GLRX5: variants seen among roughly 807,000 people sequenced by gnomAD.
GLRX5 encodes the protein glutaredoxin-related protein 5, mitochondrial.
A neutral mutation model predicts 13.8 loss-of-function variants in GLRX5; 10 were observed. The ratio of observed to expected loss-of-function variants is 0.72; its 90% CI spans 0.45 to 1.23. The LOEUF is 1.23. GLRX5 is among the 50% of genes most tolerant of loss of function. The probability of loss-of-function intolerance (pLI) is 0.00; values close to 1 mark genes in which losing one functional copy is unlikely to be tolerated. For missense variants in GLRX5, 233 were observed against 215.2 expected (o/e 1.08, Z -0.52); for synonymous variants, 98 against 101.1 (o/e 0.97, Z 0.18).
chr14:95,535,458 C>T (rs1186906630), intron 1 of GLRX5, 74 bp downstream of exon 1: 10 of 1,403,646 alleles, frequency 7.1e-6, no homozygotes, highest in African/African-American at 1.4e-5. Flanking sequence ...CGAGGGGTTC[C>T]GCCGCGCCGG....
In GLRX5 at chr14:95,535,263, C is replaced by T; in HGVS notation, c.174C>T (p.Leu58=). Residue 58 remains leucine, a synonymous_variant, in exon 1 of 2, where the codon CTC becomes CTT. Transcript: ENST00000331334. ...AGAAGGACAAGGTGGTGGTCTTCCTCAAGGGGACGCCGGAGCAGCCCCAGT... is the reference window on the plus strand; with the variant it reads ...AGAAGGACAAGGTGGTGGTCTTCCTTAAGGGGACGCCGGAGCAGCCCCAGT... ...LVKKDKVVVF[L]KGTPEQPQCG... 6.4e-7 allele frequency: 1 copy of T among 1,571,674 alleles called. No homozygotes were observed.
intron 1 of GLRX5, among the ~76,000 whole-genome samples, chr14:95,540,686 A>G (rs945426763): frequency 4.6e-5 from 7 of 152,238 alleles, no homozygotes; most frequent in Non-Finnish European, 7.3e-5. Flanking sequence ...GCCCAAGATC[A>G]CAGAGTCTAG....
chr14:95,535,445 G>C (rs1184443811), intron 1 of GLRX5, 61 bp downstream of exon 1: 2 of 1,465,774 alleles, frequency 1.4e-6, no homozygotes, highest in Non-Finnish European at 1.8e-6. Context: ...CGCTGCACGA[G>C]GCCGAGGGGT....
intron 1 of GLRX5, among the ~76,000 whole-genome samples, chr14:95,539,893 A>G (rs1387987322): frequency 2.1e-5 from 1 of 47,672 alleles, no homozygotes; most frequent in East Asian, 3.8e-4. Flanking sequence ...GTATATATAT[A>G]TATATTTTTT....
In GLRX5 at chr14:95,543,996, T is replaced by G. The variant is rs1212378595; in HGVS notation, c.345T>G (p.Asn115Lys). 1 of 1,614,166 alleles carries G rather than the reference T, an allele frequency of 6.2e-7. No individual in the cohort carries two copies. The highest frequency in any genetic ancestry group is 2.2e-5 in the East Asian group (1 of 44,890). Residue 115 changes from asparagine (N) to lysine (K), a missense_variant, in exon 2 of 2, where the codon AAT becomes AAG. Asn to Lys is a moderately conservative substitution (Grantham distance 94). Coordinates refer to ENST00000331334, the MANE Select transcript of GLRX5 (RefSeq NM_016417.3). ...NWPTIPQVYL[N>K]GEFVGGCDIL... ...CCACCATCCCGCAAGTGTACCTCAA[T>G]GGCGAGTTTGTAGGGGGCTGTGACA...
chr14:95,539,897 ATTTTT>A (rs35206535), intron 1 of GLRX5, among the ~76,000 whole-genome samples: 2 of 146,050 alleles, frequency 1.4e-5, no homozygotes. Context: ...ATATATATAT[ATTTTT>A]TTTTTTTTGA....
chr14:95,544,185 G>C lies in GLRX5; in HGVS notation c.*60G>C. ...CGTTCATGTCAGAGACTCACTGCCA[G>C]AAAAGCCTTACCCATTTTGGTTTTC... On this transcript the variant is annotated 3_prime_UTR_variant, in exon 2 of 2. Coordinates refer to ENST00000331334, the MANE Select transcript of GLRX5 (RefSeq NM_016417.3). 2.0e-6 allele frequency: 3 copies of C among 1,472,326 alleles called. No individual in the cohort carries two copies. The highest frequency in any genetic ancestry group is 2.8e-6 in the Non-Finnish European group (3 of 1,062,262). 91.2% of individuals were successfully genotyped at this position (1,472,326 alleles called of 1,614,324 possible).
intron 1 of GLRX5, among the ~76,000 whole-genome samples, chr14:95,541,631 A>C (rs1222110824): frequency 6.6e-6 from 1 of 152,130 alleles, no homozygotes; most frequent in Non-Finnish European, 1.5e-5. Context: ...TTGTTTTGAT[A>C]ATTTTGGTGG....
At chr14:95,540,544 T>A (rs1328203553) in intron 1 of GLRX5, among the ~76,000 whole-genome samples, 1 of 152,234 alleles carries the variant, frequency 6.6e-6, no homozygotes, top group Non-Finnish European at 1.5e-5. Context: ...CTCTGCCCCG[T>A]GCCTTGCTTT....
Position 95,544,104 on chromosome 14 carries a change from G to A in GLRX5, c.453G>A (p.Lys151=). The A allele has an allele frequency of 1.2e-6, 2 of 1,614,068 alleles. No individual in the cohort carries two copies. The highest frequency in any genetic ancestry group is 1.3e-5 in the African/African-American group (1 of 75,042). Residue 151 remains lysine (K), a synonymous_variant, in exon 2 of 2, where the codon AAG becomes AAA. Coordinates refer to ENST00000331334, the MANE Select transcript of GLRX5 (RefSeq NM_016417.3). Reference sequence around the variant, plus strand: ...TCCACTCCGCCCTTTTAGATGAAAAGAAAGACCAAGACTCCAAGTGAGGGC... The same window carrying A: ...TCCACTCCGCCCTTTTAGATGAAAAAAAAGACCAAGACTCCAAGTGAGGGC... The part of the protein sequence containing the change: ...LGIHSALLDE[K]KDQDSK
At chr14:95,539,616 C>T (rs1202972260) in intron 1 of GLRX5, among the ~76,000 whole-genome samples, 1 of 152,100 alleles carries the variant, frequency 6.6e-6, no homozygotes, top group African/African-American at 2.4e-5. Context: ...AGGGTAGAGG[C>T]CACCTCTGGT....
chr14:95,541,864 G>C (rs1891478744), intron 1 of GLRX5, among the ~76,000 whole-genome samples: 1 of 152,118 alleles, frequency 6.6e-6, no homozygotes, highest in Non-Finnish European at 1.5e-5. Context: ...GTGTGTTTCA[G>C]AAATTATAGA....
In GLRX5 at chr14:95,543,666, C is replaced by CA. The variant is rs3071413; in HGVS notation, c.296-270dup. ...GAGAATCTTGCTTACCTAATTCTCA[C>CA]AAAAAAAAAAACCTTGGGAGATGAG... On this transcript the variant is annotated intron_variant, in intron 1 of 1. Coordinates refer to ENST00000331334, the MANE Select transcript of GLRX5 (RefSeq NM_016417.3). The CA allele has an allele frequency of 0.16, 58,420 of 360,622 alleles. 1,786 individuals carry two copies. The highest frequency in any genetic ancestry group is 0.19 in the Non-Finnish European group (37,183 of 195,822). The allele number at this position is 360,622 out of a possible 1,614,324, so 22.3% of individuals were successfully genotyped here.
chr14:95,540,230 T>G (rs1411751979), intron 1 of GLRX5, among the ~76,000 whole-genome samples: 1 of 152,190 alleles, frequency 6.6e-6, no homozygotes, highest in East Asian at 1.9e-4. Flanking sequence ...ACTTAATCAC[T>G]TTTTCCTGCT....
intron 1 of GLRX5, 83 bp downstream of exon 1, chr14:95,535,467 G>A (rs958569593): frequency 3.0e-6 from 4 of 1,348,792 alleles, no homozygotes; most frequent in African/African-American, 1.4e-5. Flanking sequence ...CCGCCGCGCC[G>A]GGCTGGGGAG....
chr14:95,536,067 C>T (rs1891372211), intron 1 of GLRX5, among the ~76,000 whole-genome samples: 1 of 152,138 alleles, frequency 6.6e-6, no homozygotes, highest in South Asian at 2.1e-4. Flanking sequence ...TTTATGTGGG[C>T]CAGGGCTTGG....
intron 1 of GLRX5, 182 bp from the exon 2 acceptor site, chr14:95,543,765 A>C (rs1891511881): frequency 1.6e-6 from 1 of 632,394 alleles, no homozygotes; most frequent in Non-Finnish European, 2.9e-6. Context: ...TCAGGGCCTA[A>C]CCACTGGTCT....
Position 95,543,984 on chromosome 14 carries a change from A to G in GLRX5, c.333A>G (p.Gln111=), listed in dbSNP as rs765327777. 2.5e-6 allele frequency: 4 copies of G among 1,614,092 alleles called. No individual in the cohort carries two copies. The highest frequency in any genetic ancestry group is 1.1e-5 in the South Asian group (1 of 91,080). Reference sequence around the variant, plus strand: ...ATTCCAACTGGCCCACCATCCCGCAAGTGTACCTCAATGGCGAGTTTGTAG... The same window carrying G: ...ATTCCAACTGGCCCACCATCCCGCAGGTGTACCTCAATGGCGAGTTTGTAG... ...KDYSNWPTIP[Q]VYLNGEFVGG... Residue 111 remains glutamine, a synonymous_variant, in exon 2 of 2, where the codon CAA becomes CAG. Coordinates refer to ENST00000331334, the MANE Select transcript of GLRX5 (RefSeq NM_016417.3).
intron 1 of GLRX5, among the ~76,000 whole-genome samples, chr14:95,542,060 C>T (rs1446610326): frequency 6.6e-6 from 1 of 152,178 alleles, no homozygotes; most frequent in African/African-American, 2.4e-5. Context: ...TTCTCGCACC[C>T]AGCTCTCAGT....
Sources: allele counts gnomAD v4.1 joint callset (sites outside exome capture counted in the v4.1 genomes callset), GRCh38; gene constraint gnomAD v4.1.1; transcripts MANE v1.5; gene names NCBI Gene and HGNC (gene_info 2026-07-23, HGNC 2026-07-21).